The following ODAD2 variants were observed in gnomAD, a reference collection of about 807,000 sequenced individuals.
ODAD2 encodes outer dynein arm docking complex subunit 2, also known as outer dynein arm-docking complex subunit 2.
ODAD2 carries 89 observed loss-of-function variants against 106.8 expected under a neutral mutation model. That is an observed-to-expected ratio of 0.83 (90% CI 0.70 to 0.99). The LOEUF is 0.99. Among genes scored for constraint, ODAD2 ranks in the 50% least tolerant of loss-of-function variants. The probability of loss-of-function intolerance (pLI) is 0.00; values close to 1 mark genes in which losing one functional copy is unlikely to be tolerated. For synonymous variants in ODAD2, 404 were observed against 436.2 expected (o/e 0.93, Z 0.92); for missense variants, 1,168 against 1,238.5 (o/e 0.94, Z 0.85).
In ODAD2 at chr10:27,907,712, A is replaced by G. The variant is rs1400359986; in HGVS notation, c.2561T>C (p.Val854Ala). 3 of 1,613,752 alleles carry G rather than the reference A, an allele frequency of 1.9e-6. No individual in the cohort carries two copies. In the Admixed American group the frequency reaches 5.0e-5, roughly 27 times the overall value. The change falls in exon 17 of 20, where the codon GTG (valine) becomes GCG (alanine). Residue 854 changes from valine (V) to alanine (A), a missense_variant. By Grantham distance (64) the Val-to-Ala change is moderately conservative. This residue lies in a region of ODAD2 where 701 missense variants were observed against 712.3 expected (regional missense o/e 0.98). Coordinates refer to ENST00000305242, the MANE Select transcript of ODAD2 (RefSeq NM_018076.5). ...WSLLKNPHPD[V>A]KASAAWALCP... ...GAGTGCCCATGCTGCGCTGGCCTTCACGTCTGGGTGAGGATTTTTCAGCAG... is the reference window on the plus strand; with the variant it reads ...GAGTGCCCATGCTGCGCTGGCCTTCGCGTCTGGGTGAGGATTTTTCAGCAG...
At chr10:27,941,600 T>TTTG (rs964667727) in intron 12 of ODAD2, among the ~76,000 whole-genome samples, 11 of 149,068 alleles carry the variant, frequency 7.4e-5, no homozygotes, top group African/African-American at 9.8e-5. Context: ...CATCCAGTTT[T>TTTG]TTTTTTTTTT....
At chr10:27,813,868 G>T (rs536154294) in intron 19 of ODAD2, among the ~76,000 whole-genome samples, 1 of 152,264 alleles carries the variant, frequency 6.6e-6, no homozygotes, top group Admixed American at 6.5e-5. Flanking sequence ...TGACAGGATG[G>T]AATAAAAGGT....
intron 2 of ODAD2, among the ~76,000 whole-genome samples, chr10:27,991,574 A>G (rs1850241280): frequency 6.6e-6 from 1 of 152,216 alleles, no homozygotes; most frequent in South Asian, 2.1e-4. Flanking sequence ...TAAAGCCACA[A>G]ATATAAATAT....
chr10:27,870,459 C>A (rs977063567), intron 17 of ODAD2, among the ~76,000 whole-genome samples: 17 of 151,948 alleles, frequency 1.1e-4, no homozygotes, highest in Admixed American at 5.9e-4. Flanking sequence ...CACCCATTAA[C>A]TCGTCATTTA....
intron 17 of ODAD2, among the ~76,000 whole-genome samples, chr10:27,898,938 A>G (rs1020168583): frequency 1.3e-5 from 2 of 152,138 alleles, no homozygotes; most frequent in African/African-American, 4.8e-5. Flanking sequence ...AAAAAATATT[A>G]TATTTAGGAT....
At chr10:27,971,055 G>A (rs1430343845) in intron 8 of ODAD2, 53 bp downstream of exon 8, 7 of 972,078 alleles carry the variant, frequency 7.2e-6, no homozygotes, top group Middle Eastern at 4.4e-4. Context: ...GAAAAATTAG[G>A]TGAGTATGGT....
chr10:27,995,753 A>G (rs1476857723), intron 1 of ODAD2: 1 of 152,414 alleles, frequency 6.6e-6, no homozygotes, highest in Non-Finnish European at 1.5e-5. Flanking sequence ...GAATAAGAAC[A>G]GTATTGTGAA....
chr10:27,835,871 A>G (rs975514836), intron 19 of ODAD2: 5 of 151,650 alleles, frequency 3.3e-5, no homozygotes, highest in African/African-American at 1.2e-4. Context: ...GGTGGCAGTG[A>G]GCCGAGATTG....
chr10:27,901,850 A>G (rs1161483080), intron 17 of ODAD2, among the ~76,000 whole-genome samples: 1 of 152,228 alleles, frequency 6.6e-6, no homozygotes, highest in African/African-American at 2.4e-5. Flanking sequence ...ATACTCCAAC[A>G]TAATAATACT....
chr10:27,999,306 G>T (rs903732401), upstream of ODAD2, among the ~76,000 whole-genome samples: 2 of 152,188 alleles, frequency 1.3e-5, no homozygotes, highest in African/African-American at 2.4e-5. Context: ...AAAGGAAGCA[G>T]AAAATATTCC....
intron 19 of ODAD2, among the ~76,000 whole-genome samples, 159 bp downstream of exon 19, chr10:27,860,466 A>G (rs2133321079): frequency 6.6e-6 from 1 of 152,228 alleles, no homozygotes; most frequent in Middle Eastern, 3.4e-3. Context: ...AGAAAAAAAA[A>G]GTCATGATAA....
At chr10:27,944,697 CAATAATAGCAG>C in intron 11 of ODAD2, 108 bp downstream of exon 11, 1 of 1,256,708 alleles carries the variant, frequency 8.0e-7, no homozygotes, top group East Asian at 2.3e-5. Flanking sequence ...AGGTCATCAG[CAATAATAGCAG>C]ATAAAGACAA....
chr10:27,940,088 A>G (rs760463853), intron 13 of ODAD2, 81 bp from the exon 14 acceptor site: 1 of 941,836 alleles, frequency 1.1e-6, no homozygotes, highest in Non-Finnish European at 1.6e-6. Flanking sequence ...AACATGCTGA[A>G]CAAACTTTCT....
chr10:27,971,161 C>T lies in ODAD2; in HGVS notation c.1089G>A (p.Met363Ile). The T allele has an allele frequency of 1.2e-6, 2 of 1,613,812 alleles. No individual in the cohort carries two copies. Among genetic ancestry groups the T allele is most frequent in the Non-Finnish European group, 1.7e-6 (2 of 1,179,872 alleles). Residue 363 changes from methionine (M) to isoleucine (I), a missense_variant, in exon 8 of 20, where the codon ATG becomes ATA. Met to Ile is a conservative substitution (Grantham distance 10). Around this residue, in one of 3 missense-constraint regions of ODAD2, gnomAD observed 430 missense variants for 452.2 expected, o/e 0.95. Transcript: ENST00000305242. ...TTAAGCTTGGTTCCCATCTCTTGGT[C>T]ATTTGATTCCTCCAAAAATTAATTT... ...KNQINFWRNQ[M>I]TKRWEPSLNW...
intron 14 of ODAD2, among the ~76,000 whole-genome samples, chr10:27,937,942 GTTTT>G (rs200460159): frequency 8.3e-4 from 126 of 152,098 alleles, no homozygotes; most frequent in African/African-American, 3.0e-3. Context: ...ATATATAGAG[GTTTT>G]TTGTTTTTTG....
intron 19 of ODAD2, among the ~76,000 whole-genome samples, chr10:27,825,598 T>C (rs1428286977): frequency 2.6e-5 from 4 of 152,214 alleles, no homozygotes; most frequent in African/African-American, 7.2e-5. Context: ...TTTGGTTTGG[T>C]TGTTGTCTTC....
chr10:27,873,002 G>T (rs12268314), intron 17 of ODAD2, among the ~76,000 whole-genome samples: 3,923 of 152,160 alleles, frequency 0.026, 164 homozygotes, highest in African/African-American at 0.087. Context: ...TATTTTGGTT[G>T]GTAGGCTATT....
intron 16 of ODAD2, among the ~76,000 whole-genome samples, chr10:27,933,501 A>G (rs1036912239): frequency 1.3e-5 from 2 of 152,180 alleles, no homozygotes; most frequent in Non-Finnish European, 2.9e-5. Flanking sequence ...CAAACTGAAA[A>G]GGGAGGCGGA....
chr10:27,928,370 T>G (rs1845395737), intron 16 of ODAD2, among the ~76,000 whole-genome samples: 1 of 152,146 alleles, frequency 6.6e-6, no homozygotes, highest in Non-Finnish European at 1.5e-5. Flanking sequence ...CTATTTTTAT[T>G]ACATTATATT....
Sources: gnomAD v4.1 joint callset for allele counts (sites outside exome capture counted in the v4.1 genomes callset) on GRCh38, gnomAD v4.1.1 for gene constraint, gnomAD v4.1.1 regional missense constraint, MANE v1.5 for transcripts, NCBI Gene and HGNC (gene_info 2026-07-23, HGNC 2026-07-21) for gene names.